The following IQCH variants were observed in gnomAD, a reference collection of about 807,000 sequenced individuals.
IQCH encodes IQ domain-containing protein H.
A neutral mutation model predicts 117.0 loss-of-function variants in IQCH; 98 were observed. The ratio of observed to expected loss-of-function variants is 0.84; its 90% CI spans 0.71 to 0.99. The LOEUF is 0.99. Ranked by LOEUF, IQCH falls within the 50% of genes least tolerant of loss-of-function variation. The pLI is 0.00. For synonymous variants in IQCH, 412 were observed against 448.2 expected (o/e 0.92, Z 1.02); for missense variants, 1,102 against 1,243.8 (o/e 0.89, Z 1.72).
In IQCH at chr15:67,357,340, C is replaced by A; in HGVS notation, c.638-5C>A. The A allele has an allele frequency of 1.3e-6, 2 of 1,596,230 alleles. No homozygotes were observed. Among genetic ancestry groups the A allele is most frequent in the Non-Finnish European group, 1.7e-6 (2 of 1,163,668 alleles). On this transcript the variant is annotated splice_region_variant and splice_polypyrimidine_tract_variant and intron_variant, in intron 6 of 20. Transcript: ENST00000335894. ...AAAGGTAACATGTACTATCTTCATC[C>A]ACAGCCACTTTCACTATACCTCGGG...
In IQCH at chr15:67,324,167, G is replaced by A. The variant is rs1455789711; in HGVS notation, c.388-12808G>A. Reference sequence around the variant, plus strand: ...CCATGTTGGCCAGGCTGCTGGTCTCGAACTCCTCACCTTGTGATCCATCCA... The same window carrying A: ...CCATGTTGGCCAGGCTGCTGGTCTCAAACTCCTCACCTTGTGATCCATCCA... On this transcript the variant is annotated intron_variant, in intron 4 of 20. Transcript: ENST00000335894. Among the ~76,000 whole-genome samples, 7 of 151,296 alleles carry A rather than the reference G, an allele frequency of 4.6e-5. No individual in the cohort carries two copies. The East Asian group carries it at 5.9e-4, about 13-fold the overall frequency.
Position 67,494,408 on chromosome 15 carries a change from C to A in IQCH, c.2970+42C>A. 3 of 1,369,430 alleles carry A rather than the reference C, an allele frequency of 2.2e-6. No individual in the cohort carries two copies. The highest frequency in any genetic ancestry group is 2.1e-6 in the Non-Finnish European group (2 of 969,380). 84.8% of individuals were successfully genotyped at this position (1,369,430 alleles called of 1,614,324 possible). A position where few individuals can be genotyped will look rare whatever the true frequency, so the allele number is the denominator to read the frequency against. On this transcript the variant is annotated intron_variant, in intron 20 of 20. Coordinates refer to ENST00000335894, the MANE Select transcript of IQCH (RefSeq NM_001031715.3). The surrounding 1 kb of genome is among the most constrained non-coding windows in gnomAD (Gnocchi z 5.5). Reference sequence around the variant, plus strand: ...CTAACGATTCTGGTTAATTTCTATACAAGGGCTGAAAATACCTCATGCTGT... The same window carrying A: ...CTAACGATTCTGGTTAATTTCTATAAAAGGGCTGAAAATACCTCATGCTGT...
intron 4 of IQCH, among the ~76,000 whole-genome samples, chr15:67,316,573 A>G (rs981393970): frequency 2.0e-5 from 3 of 152,206 alleles, no homozygotes; most frequent in African/African-American, 4.8e-5. Flanking sequence ...AAATTTAGCT[A>G]TAAAGCAATA....
chr15:67,311,106 T>C (rs1207066092), intron 4 of IQCH, among the ~76,000 whole-genome samples: 1 of 152,068 alleles, frequency 6.6e-6, no homozygotes, highest in Non-Finnish European at 1.5e-5. Flanking sequence ...ATTAAGCTAC[T>C]TGCCTGAGGT....
chr15:67,355,565 G>A (rs377632535), intron 6 of IQCH, among the ~76,000 whole-genome samples: 24 of 151,818 alleles, frequency 1.6e-4, no homozygotes, highest in Middle Eastern at 3.4e-3. Flanking sequence ...ACTCCAGCCC[G>A]GGCGACAGAG....
In IQCH at chr15:67,383,775, G is replaced by A. The variant is rs117118309; in HGVS notation, c.1373-1161G>A. On this transcript the variant is annotated intron_variant, in intron 10 of 20. Coordinates refer to ENST00000335894, the MANE Select transcript of IQCH (RefSeq NM_001031715.3). Reference sequence around the variant, plus strand: ...ATTAGTAATTTTTCAAAAATGATTCGAACAGCTCATTTGTCCTTCTGCCTC... The same window carrying A: ...ATTAGTAATTTTTCAAAAATGATTCAAACAGCTCATTTGTCCTTCTGCCTC... Among the ~76,000 whole-genome samples, 172 of 152,194 alleles carry A rather than the reference G, an allele frequency of 1.1e-3. 3 individuals are homozygous for A. In the East Asian group the frequency reaches 0.027, roughly 24 times the overall value.
rs370046858 is a variant in IQCH, at chr15:67,395,352, A to T, written c.1694A>T (p.Lys565Ile). The T allele has an allele frequency of 5.1e-5, 83 of 1,614,060 alleles. 2 individuals carry two copies. Among genetic ancestry groups the T allele is most frequent in the East Asian group, 4.2e-4 (19 of 44,876 alleles). The part of the protein sequence containing the change: ...MYSPKAIKRI[K>I]NLIRGTEAYI... ...AGTCCCAAGGCAATCAAAAGAATAA[A>T]AAATCTCATCCGAGGAACAGAGGCC... Residue 565 changes from lysine to isoleucine, a missense_variant, in exon 13 of 21, where the codon AAA (lysine) becomes ATA (isoleucine). Lys to Ile is a moderately radical substitution (Grantham distance 102). This residue lies in a region of IQCH where 650 missense variants were observed against 794.3 expected (regional missense o/e 0.82). Coordinates refer to ENST00000335894, the MANE Select transcript of IQCH (RefSeq NM_001031715.3). The surrounding 1 kb of genome is among the most constrained non-coding windows in gnomAD (Gnocchi z 4.0).
Position 67,445,986 on chromosome 15 carries a change from C to T in IQCH, c.2506-19141C>T, listed in dbSNP as rs1487451601. Among the ~76,000 whole-genome samples, 1 of 152,098 alleles carries T rather than the reference C, an allele frequency of 6.6e-6. No individual in the cohort carries two copies. Among genetic ancestry groups the T allele is most frequent in the African/African-American group, 2.4e-5 (1 of 41,412 alleles). On this transcript the variant is annotated intron_variant, in intron 16 of 20. Transcript: ENST00000335894. The surrounding 1 kb of genome is among the most constrained non-coding windows in gnomAD (Gnocchi z 4.3). The stretch of plus-strand genomic sequence containing the variant: ...AGCTTTTCCCCAGAATTGGAGGGAC[C>T]GTGTTTCAAATGCCACGTGGCAGCA...
intron 12 of IQCH, 135 bp downstream of exon 12, chr15:67,389,141 T>C (rs891691415): frequency 7.4e-6 from 5 of 675,722 alleles, no homozygotes; most frequent in Non-Finnish European, 9.9e-6. Context: ...ATTAGACTAC[T>C]AGTTGGTCTG....
At chr15:67,323,174 A>G (rs1217781466) in intron 4 of IQCH, among the ~76,000 whole-genome samples, 3 of 142,286 alleles carry the variant, frequency 2.1e-5, no homozygotes, top group Non-Finnish European at 4.6e-5. Context: ...CTATCTTTCT[A>G]TTTGTTTTCT....
rs1381824359 is a variant in IQCH, at chr15:67,481,744, A to T, written c.2799+5926A>T. On this transcript the variant is annotated intron_variant, in intron 18 of 20. Coordinates refer to ENST00000335894, the MANE Select transcript of IQCH (RefSeq NM_001031715.3). The surrounding 1 kb of genome is among the most constrained non-coding windows in gnomAD (Gnocchi z 4.1). ...AAAATTTAAGAAGTATCTAGAAAAG[A>T]ACTCCATGTTGTAGCTATTGCTACT... 3.3e-5 allele frequency among the ~76,000 whole-genome samples: 5 copies of T among 152,252 alleles called. No individual in the cohort carries two copies. The East Asian group carries it at 9.6e-4, about 29-fold the overall frequency.
intron 16 of IQCH, among the ~76,000 whole-genome samples, chr15:67,437,068 G>T (rs1055482384): frequency 2.0e-5 from 3 of 152,058 alleles, no homozygotes; most frequent in African/African-American, 7.2e-5. Context: ...TTTCTGGAAA[G>T]CGCCACGTCC....
At chr15:67,497,578 C>T (rs2083856162) in intron 20 of IQCH, among the ~76,000 whole-genome samples, 1 of 152,068 alleles carries the variant, frequency 6.6e-6, no homozygotes, top group Non-Finnish European at 1.5e-5. Flanking sequence ...ACTGCAACCT[C>T]TGCCTTCTGG....
intron 4 of IQCH, chr15:67,306,852 A>G (rs1170287414): frequency 6.5e-7 from 1 of 1,533,824 alleles, no homozygotes; most frequent in African/African-American, 1.4e-5. Context: ...TGTGGAAACA[A>G]GAAGAAATCC....
chr15:67,311,753 AT>A (rs952096928), intron 4 of IQCH, among the ~76,000 whole-genome samples: 7 of 152,106 alleles, frequency 4.6e-5, no homozygotes, highest in African/African-American at 1.7e-4. Context: ...TTAAGGTTGC[AT>A]TTGAAAAACT....
chr15:67,387,260 TG>T lies in IQCH; in HGVS notation c.1457-1570del, dbSNP rs1971136556. ...TAAATATTCACATGTATGGAGCACC[TG>T]CTCTGGGCCTAGCTAGGTCACTTCA... is the stretch of plus-strand genomic sequence containing the variant. On this transcript the variant is annotated intron_variant, in intron 11 of 20. Transcript: ENST00000335894. This position sits in a 1 kb window ranked among gnomAD's most constrained non-coding sequence, Gnocchi z 4.8. 6.6e-6 allele frequency among the ~76,000 whole-genome samples: 1 copy of T among 152,196 alleles called. No individual in the cohort carries two copies. The highest frequency in any genetic ancestry group is 6.5e-5 in the Admixed American group (1 of 15,274).
chr15:67,488,226 G>A (rs906334181), intron 18 of IQCH, among the ~76,000 whole-genome samples: 11 of 152,178 alleles, frequency 7.2e-5, no homozygotes, highest in Non-Finnish European at 1.3e-4. Context: ...GCTGAGGTGG[G>A]AGGATCACCT....
rs1018287566 is a variant in IQCH at position 67,453,044 on chromosome 15, C to T, written c.2506-12083C>T. ...GCTAATAAGGCTTCTGCATTCGTCA[C>T]GTAGCTCTCGTGCCTTGGTTTTCAG... is the stretch of plus-strand genomic sequence containing the variant. On this transcript the variant is annotated intron_variant, in intron 16 of 20. Coordinates refer to ENST00000335894, the MANE Select transcript of IQCH (RefSeq NM_001031715.3). The surrounding 1 kb of genome is among the most constrained non-coding windows in gnomAD (Gnocchi z 5.8). Among the ~76,000 whole-genome samples, 8 of 152,204 alleles carry T rather than the reference C, an allele frequency of 5.3e-5. No individual in the cohort carries two copies. Among genetic ancestry groups the T allele is most frequent in the Non-Finnish European group, 7.3e-5 (5 of 68,042 alleles).
At chr15:67,323,793 TATA>T (rs1487622335) in intron 4 of IQCH, among the ~76,000 whole-genome samples, 4 of 152,144 alleles carry the variant, frequency 2.6e-5, no homozygotes, top group Non-Finnish European at 2.9e-5. Flanking sequence ...ATGCACACTG[TATA>T]ATAATTTTTG....
Sources: allele counts gnomAD v4.1 joint callset (sites outside exome capture counted in the v4.1 genomes callset), GRCh38; gene constraint gnomAD v4.1.1; regional missense constraint gnomAD v4.1.1; non-coding constraint Gnocchi (gnomAD v3.1); transcripts MANE v1.5; gene names NCBI Gene and HGNC (gene_info 2026-07-23, HGNC 2026-07-21).